Variants in CYLC2 observed in about 807,000 individuals in gnomAD.
The protein encoded by CYLC2 is cylicin-2.
CYLC2 carries 30 observed loss-of-function variants against 26.1 expected under a neutral mutation model. That is an observed-to-expected ratio of 1.15 (90% confidence interval 0.86 to 1.56). The LOEUF (loss-of-function observed/expected upper bound fraction) is 1.56. Among genes scored for constraint, CYLC2 ranks in the 40% most tolerant of loss-of-function variants. The pLI is 0.00. For missense variants in CYLC2, 498 were observed against 394.4 expected (o/e 1.26, Z -2.23); for synonymous variants, 158 against 132.8 (o/e 1.19, Z -1.31).
intron 1 of CYLC2, among the ~76,000 whole-genome samples, chr9:102,998,910 T>C (rs1587849862): frequency 6.6e-6 from 1 of 152,052 alleles, no homozygotes; most frequent in African/African-American, 2.4e-5. Flanking sequence ...TATTCCTTTG[T>C]ATTCATTAAA....
At chr9:103,014,575 G>A (rs1162024355) in intron 6 of CYLC2, among the ~76,000 whole-genome samples, 3 of 142,182 alleles carry the variant, frequency 2.1e-5, no homozygotes, top group South Asian at 2.2e-4. Context: ...TGTATATTAT[G>A]CAGTATACAT....
intron 1 of CYLC2, among the ~76,000 whole-genome samples, chr9:102,996,766 T>A (rs2118218350): frequency 6.6e-6 from 1 of 152,160 alleles, no homozygotes; most frequent in East Asian, 1.9e-4. Flanking sequence ...AAGAAAATTT[T>A]TCTGTTTGAA....
chr9:102,998,673 T>C (rs547261627), intron 1 of CYLC2, among the ~76,000 whole-genome samples: 1 of 152,030 alleles, frequency 6.6e-6, no homozygotes, highest in African/African-American at 2.4e-5. Context: ...GAGGTTAAAA[T>C]GTATTGAACT....
In CYLC2 at chr9:103,012,067, G is replaced by C. The variant is rs1296801059; in HGVS notation, c.*786G>C. The C allele has an allele frequency of 7.0e-6, 1 of 142,824 alleles. No individual in the cohort carries two copies. Among genetic ancestry groups the C allele is most frequent in the Non-Finnish European group, 1.5e-5 (1 of 66,882 alleles). The allele number at this position is 142,824 out of a possible 1,614,324, so 8.8% of individuals were successfully genotyped here. A position where few individuals can be genotyped will look rare whatever the true frequency, so the allele number is the denominator to read the frequency against. On this transcript the variant is annotated 3_prime_UTR_variant, in exon 6 of 8. Coordinates refer to ENST00000374798, the MANE Select transcript of CYLC2 (RefSeq NM_001340.5). ...ACCTTCAGGTTCAAGTGATTCTCCT[G>C]CCTCAGCCTCTCTGGTAGCTGGGAT...
chr9:103,015,288 T>C (rs1423771347), intron 6 of CYLC2, among the ~76,000 whole-genome samples: 1 of 126,956 alleles, frequency 7.9e-6, no homozygotes, highest in African/African-American at 3.0e-5. Context: ...TATTATATAA[T>C]ATAATTATAT....
rs770638334 is a variant in CYLC2 at position 103,003,136 on chromosome 9, T to C, written c.59-6T>C. ...CAAAATGTGTTTTTTGTCTCCCTTA[T>C]TTTAGTCAGTGAATTAAGCAAAAAA... On this transcript the variant is annotated splice_polypyrimidine_tract_variant and splice_region_variant and intron_variant, in intron 2 of 7. Transcript: ENST00000374798. 3.7e-6 allele frequency: 6 copies of C among 1,613,276 alleles called. No individual in the cohort carries two copies. The highest frequency in any genetic ancestry group is 1.1e-5 in the South Asian group (1 of 90,978).
intron 5 of CYLC2, among the ~76,000 whole-genome samples, chr9:103,009,707 TCAATTCCC>T (rs1829385960): frequency 6.6e-6 from 1 of 152,088 alleles, no homozygotes; most frequent in Non-Finnish European, 1.5e-5. Flanking sequence ...CATCTCTCCT[TCAATTCCC>T]CACTACCTTT....
chr9:103,013,652 A>T (rs1160391350), intron 6 of CYLC2, among the ~76,000 whole-genome samples: 1 of 112,608 alleles, frequency 8.9e-6, no homozygotes, highest in Non-Finnish European at 1.6e-5. Context: ...ATATAAAAAT[A>T]TAAATATATT....
intron 2 of CYLC2, among the ~76,000 whole-genome samples, chr9:103,002,718 T>C (rs1021046863): frequency 1.3e-5 from 2 of 152,126 alleles, no homozygotes; most frequent in Non-Finnish European, 2.9e-5. Context: ...GCACTTAGAT[T>C]AAATCATGTA....
intron 6 of CYLC2, among the ~76,000 whole-genome samples, chr9:103,016,100 T>C (rs540669304): frequency 8.6e-5 from 13 of 151,926 alleles, no homozygotes; most frequent in Non-Finnish European, 1.8e-4. Flanking sequence ...ATTATCTATA[T>C]CTACATATAC....
intron 6 of CYLC2, among the ~76,000 whole-genome samples, chr9:103,014,716 TACA>T: frequency 8.6e-6 from 1 of 115,942 alleles, no homozygotes; most frequent in Non-Finnish European, 1.8e-5. Flanking sequence ...TTATGCAATA[TACA>T]TATGTAATAT....
chr9:103,006,704 G>A (rs137946892), intron 5 of CYLC2, among the ~76,000 whole-genome samples: 2,196 of 152,132 alleles, frequency 0.014, 58 homozygotes, highest in African/African-American at 0.048. Flanking sequence ...GTGAGCCACC[G>A]CGCCCGGCCA....
intron 6 of CYLC2, among the ~76,000 whole-genome samples, chr9:103,012,316 T>C (rs1212177954): frequency 6.6e-6 from 1 of 152,002 alleles, no homozygotes; most frequent in Non-Finnish European, 1.5e-5. Context: ...CTCCTTTCAG[T>C]CATTTAGTAT....
chr9:103,014,527 A>C (rs954487685), intron 6 of CYLC2, among the ~76,000 whole-genome samples: 1 of 142,908 alleles, frequency 7.0e-6, no homozygotes, highest in Admixed American at 7.2e-5. Flanking sequence ...TAATATATGC[A>C]ATATACATCA....
At chr9:102,999,765 G>A (rs534347401) in intron 1 of CYLC2, among the ~76,000 whole-genome samples, 1 of 151,940 alleles carries the variant, frequency 6.6e-6, no homozygotes, top group African/African-American at 2.4e-5. Flanking sequence ...TGGAATGATT[G>A]CATTGGTTGA....
rs190154512 is a variant in CYLC2 at position 103,011,600 on chromosome 9, C to A, written c.*701-382C>A. Among the ~76,000 whole-genome samples the A allele has an allele frequency of 3.5e-4, 53 of 152,048 alleles. No homozygotes were observed. The East Asian group carries it at 0.01, about 29-fold the overall frequency. On this transcript the variant is annotated intron_variant, in intron 5 of 7. Transcript: ENST00000374798. The stretch of plus-strand genomic sequence containing the variant: ...GAGTGATGGCTAAGAGGATAAGGCA[C>A]CATTAATACAATTCCAAAAGGGCTC...
At chr9:103,010,750 A>G (rs569752623) in intron 5 of CYLC2, 5 of 152,206 alleles carry the variant, frequency 3.3e-5, no homozygotes, top group African/African-American at 1.2e-4. Flanking sequence ...AATTGCTCAC[A>G]ATCAGCCTCT....
chr9:103,015,830 A>T (rs1829498940), intron 6 of CYLC2, among the ~76,000 whole-genome samples: 1 of 150,472 alleles, frequency 6.6e-6, no homozygotes, highest in Non-Finnish European at 1.5e-5. Flanking sequence ...CAAAATACCA[A>T]TATCTATTAT....
chr9:103,013,809 TTATGTATATAA>T (rs1240399782), intron 6 of CYLC2, among the ~76,000 whole-genome samples: 2 of 99,044 alleles, frequency 2.0e-5, no homozygotes, highest in Non-Finnish European at 1.9e-5. Flanking sequence ...TTATATATTA[TTATGTATATAA>T]TATGTATATA....
Sources: gnomAD v4.1 joint callset for allele counts (sites outside exome capture counted in the v4.1 genomes callset) on GRCh38, gnomAD v4.1.1 for gene constraint, MANE v1.5 for transcripts, NCBI Gene and HGNC (gene_info 2026-07-23, HGNC 2026-07-21) for gene names.